The following UMAD1 variants were observed in gnomAD, a reference collection of about 807,000 sequenced individuals.
UMAD1 encodes UBAP1-MVB12-associated (UMA) domain containing 1.
UMAD1 carries 8 observed loss-of-function variants against 6.1 expected under a neutral mutation model. That is an observed-to-expected ratio of 1.30 (90% confidence interval 0.76 to 2.35). UMAD1 has a LOEUF of 2.35. Ranked by LOEUF, UMAD1 falls within the 30% of genes most tolerant of loss-of-function variation. The probability of loss-of-function intolerance (pLI) is 0.00; values close to 1 mark genes in which losing one functional copy is unlikely to be tolerated. For synonymous variants in UMAD1, 56 were observed against 31.4 expected (o/e 1.78, Z -2.61); for missense variants, 130 against 78.4 (o/e 1.66, Z -2.49).
In UMAD1 at chr7:7,845,368, C is replaced by A. The variant is rs183039116; in HGVS notation, c.157-31913C>A. Among the ~76,000 whole-genome samples, 4 of 152,110 alleles carry A rather than the reference C, an allele frequency of 2.6e-5. No individual in the cohort carries two copies. In the South Asian group the frequency reaches 6.2e-4, roughly 24 times the overall value. On this transcript the variant is annotated intron_variant, in intron 3 of 3. Coordinates refer to ENST00000682710, the MANE Select transcript of UMAD1 (RefSeq NM_001302348.2). ...GCTGCTCTATAGGGATCAAGATCTT[C>A]TCTTCTAACCCTGTCATTTTAGACT...
chr7:7,863,591 G>A (rs561249906), intron 3 of UMAD1, among the ~76,000 whole-genome samples: 1 of 152,196 alleles, frequency 6.6e-6, no homozygotes, highest in South Asian at 2.1e-4. Flanking sequence ...GTTTTGGTGT[G>A]GTTAATGTGC....
intron 1 of UMAD1, chr7:7,641,527 C>G (rs1784974320): frequency 6.6e-6 from 1 of 152,178 alleles, no homozygotes; most frequent in African/African-American, 2.4e-5. Context: ...AGCAGTCTTT[C>G]TGTCGTTGCC....
intron 2 of UMAD1, among the ~76,000 whole-genome samples, chr7:7,777,707 T>C (rs908070007): frequency 1.3e-5 from 2 of 151,630 alleles, no homozygotes; most frequent in Non-Finnish European, 2.9e-5. Flanking sequence ...AGACAAAATA[T>C]TTAGCATCCT....
chr7:7,764,220 C>G (rs1781945494), intron 2 of UMAD1, among the ~76,000 whole-genome samples: 1 of 152,060 alleles, frequency 6.6e-6, no homozygotes, highest in Non-Finnish European at 1.5e-5. Flanking sequence ...TACAATAAAG[C>G]AGGGAAGCAG....
chr7:7,767,230 T>G (rs1473587958), intron 2 of UMAD1, among the ~76,000 whole-genome samples: 1 of 150,736 alleles, frequency 6.6e-6, no homozygotes, highest in Admixed American at 6.7e-5. Context: ...GTTCACGCCA[T>G]TCTCCTGCCT....
chr7:7,738,094 A>AT (rs1186729611), intron 2 of UMAD1, among the ~76,000 whole-genome samples: 2 of 126,922 alleles, frequency 1.6e-5, no homozygotes, highest in South Asian at 5.3e-4. Context: ...AAACGGGTAT[A>AT]TTTTTTTTGA....
At chr7:7,849,726 C>T (rs539000702) in intron 3 of UMAD1, among the ~76,000 whole-genome samples, 5 of 152,114 alleles carry the variant, frequency 3.3e-5, no homozygotes, top group African/African-American at 1.2e-4. Flanking sequence ...AATAGGCAAA[C>T]AAATAAAATT....
intron 2 of UMAD1, among the ~76,000 whole-genome samples, chr7:7,701,826 G>A (rs1780471511): frequency 6.6e-6 from 1 of 152,238 alleles, no homozygotes; most frequent in East Asian, 1.9e-4. Flanking sequence ...ATGACTGTCT[G>A]CCCTCTGAGG....
At chr7:7,694,262 G>C (rs1325200695) in intron 2 of UMAD1, among the ~76,000 whole-genome samples, 3 of 151,756 alleles carry the variant, frequency 2.0e-5, no homozygotes, top group Non-Finnish European at 2.9e-5. Context: ...TATATAGTAG[G>C]TATATATATT....
intron 3 of UMAD1, among the ~76,000 whole-genome samples, chr7:7,822,339 A>T (rs1474171431): frequency 6.6e-6 from 1 of 152,092 alleles, no homozygotes; most frequent in Non-Finnish European, 1.5e-5. Context: ...TGAATTAGTC[A>T]TCTAGTTTCT....
intron 2 of UMAD1, among the ~76,000 whole-genome samples, chr7:7,737,370 C>G (rs548410184): frequency 8.9e-4 from 136 of 152,322 alleles, no homozygotes; most frequent in African/African-American, 3.2e-3. Flanking sequence ...AGTGGGTGCT[C>G]AGTCAATAGA....
chr7:7,836,200 G>T (rs1235073477), intron 3 of UMAD1, among the ~76,000 whole-genome samples: 2 of 151,870 alleles, frequency 1.3e-5, no homozygotes, highest in East Asian at 1.9e-4. Flanking sequence ...TAACCTTTCT[G>T]AATTTCTTAA....
intron 3 of UMAD1, among the ~76,000 whole-genome samples, chr7:7,843,056 A>T (rs1197826865): frequency 6.6e-6 from 1 of 152,198 alleles, no homozygotes; most frequent in Non-Finnish European, 1.5e-5. Flanking sequence ...TAGCCCTTCA[A>T]AGAGAGATTT....
intron 3 of UMAD1, among the ~76,000 whole-genome samples, chr7:7,822,378 C>CA (rs1276641946): frequency 1.1e-3 from 164 of 148,844 alleles, no homozygotes; most frequent in East Asian, 3.5e-3. Context: ...AATCTTGTTC[C>CA]AAAAAAAAAC....
At position 7,874,844 on chromosome 7, in the gene UMAD1, C is replaced by T. The variant is rs150214486; in HGVS notation, c.157-2437C>T. Among the ~76,000 whole-genome samples the T allele has an allele frequency of 6.2e-3, 946 of 152,268 alleles. 10 individuals carry two copies. The highest frequency in any genetic ancestry group is 0.021 in the African/African-American group (887 of 41,546). ...TGACTGCAAGAGAACACCAGGAGGG[C>T]TTCTGGGGGCTGGTCTTTTCTATTT... On this transcript the variant is annotated intron_variant, in intron 3 of 3. Transcript: ENST00000682710.
chr7:7,711,974 A>C (rs1780776609), intron 2 of UMAD1, among the ~76,000 whole-genome samples: 1 of 152,082 alleles, frequency 6.6e-6, no homozygotes, highest in South Asian at 2.1e-4. Context: ...TTGTAGGGAT[A>C]ACCTATTTTC....
chr7:7,828,556 C>T (rs947551745), intron 3 of UMAD1, among the ~76,000 whole-genome samples: 1 of 152,202 alleles, frequency 6.6e-6, no homozygotes. Context: ...CATAGGGACC[C>T]CATCCCTGCT....
At position 7,830,170 on chromosome 7, in the gene UMAD1, G is replaced by A. The variant is rs1783433195; in HGVS notation, c.156+28427G>A. ...ATTTGCCAGTGGACCTGCAGGTCTG[G>A]CCAAGCCCCTGCTAGGACTGTGTCT... On this transcript the variant is annotated intron_variant, in intron 3 of 3. Transcript: ENST00000682710. This position sits in a 1 kb window ranked among gnomAD's most constrained non-coding sequence, Gnocchi z 5.3. 6.6e-6 allele frequency among the ~76,000 whole-genome samples: 1 copy of A among 152,150 alleles called. No individual in the cohort carries two copies. The highest frequency in any genetic ancestry group is 1.5e-5 in the Non-Finnish European group (1 of 68,024).
At chr7:7,825,148 G>A (rs987477975) in intron 3 of UMAD1, among the ~76,000 whole-genome samples, 10 of 152,038 alleles carry the variant, frequency 6.6e-5, no homozygotes, top group Non-Finnish European at 1.5e-4. Flanking sequence ...TAGGAGGTGG[G>A]CGCAGGGGGG....
Sources: allele counts gnomAD v4.1 joint callset (sites outside exome capture counted in the v4.1 genomes callset), GRCh38; gene constraint gnomAD v4.1.1; non-coding constraint Gnocchi (gnomAD v3.1); transcripts MANE v1.5; gene names NCBI Gene and HGNC (gene_info 2026-07-23, HGNC 2026-07-21).